The following GPC5 variants were observed in gnomAD, a reference collection of about 807,000 sequenced individuals.
GPC5 encodes glypican-5.
In GPC5, 47 loss-of-function variants were observed where a neutral mutation model predicts 53.9. The observed-to-expected ratio is 0.87, with a 90% confidence interval of 0.69 to 1.11. GPC5 has a LOEUF of 1.11. Among genes scored for constraint, GPC5 ranks in the 50% most tolerant of loss-of-function variants. The pLI is 0.00. For missense variants in GPC5, 748 were observed against 713.1 expected, an observed-to-expected ratio of 1.05 and a Z score of -0.56; for synonymous variants, 286 against 263.3, an observed-to-expected ratio of 1.09 and a Z score of -0.84.
At chr13:92,366,147 G>A (rs1207503351) in intron 7 of GPC5, among the ~76,000 whole-genome samples, 1 of 151,642 alleles carries the variant, frequency 6.6e-6, no homozygotes, top group Non-Finnish European at 1.5e-5. Flanking sequence ...GGAATTTTTA[G>A]CTGTATTATG....
intron 2 of GPC5, among the ~76,000 whole-genome samples, chr13:91,459,655 G>A (rs1881803222): frequency 6.6e-6 from 1 of 152,070 alleles, no homozygotes; most frequent in African/African-American, 2.4e-5. Context: ...TTTCTCCAGA[G>A]TTCTCAAAGA....
intron 6 of GPC5, among the ~76,000 whole-genome samples, chr13:91,966,118 G>A (rs2139083567): frequency 6.6e-6 from 1 of 152,254 alleles, no homozygotes; most frequent in Non-Finnish European, 1.5e-5. Context: ...ACACGTGAAA[G>A]CCAGTGGTGT....
At chr13:92,201,112 G>A (rs1316255311) in intron 7 of GPC5, among the ~76,000 whole-genome samples, 2 of 152,042 alleles carry the variant, frequency 1.3e-5, no homozygotes, top group Non-Finnish European at 2.9e-5. Flanking sequence ...TTTAGTGAAT[G>A]CCAATGGTAA....
chr13:91,680,407 A>C (rs534630244), intron 2 of GPC5, among the ~76,000 whole-genome samples: 4 of 152,300 alleles, frequency 2.6e-5, no homozygotes, highest in African/African-American at 9.6e-5. Flanking sequence ...AAAGATCGCA[A>C]CACTGCACTC....
chr13:92,552,022 T>C (rs1942311178), intron 7 of GPC5, among the ~76,000 whole-genome samples: 2 of 151,926 alleles, frequency 1.3e-5, no homozygotes, highest in African/African-American at 4.8e-5. Flanking sequence ...GTGCTAATAA[T>C]GTAAAATGAG....
chr13:92,781,366 A>C (rs1336387569), intron 7 of GPC5, among the ~76,000 whole-genome samples: 1 of 152,100 alleles, frequency 6.6e-6, no homozygotes, highest in East Asian at 1.9e-4. Context: ...AATAAATGAT[A>C]GTTTTCTGGA....
At chr13:92,320,246 T>C (rs776939766) in intron 7 of GPC5, among the ~76,000 whole-genome samples, 1 of 152,164 alleles carries the variant, frequency 6.6e-6, no homozygotes, top group Non-Finnish European at 1.5e-5. Context: ...CATTTTTGCA[T>C]TGAACAATCT....
intron 7 of GPC5, chr13:92,709,713 G>A (rs1020394668): frequency 6.6e-6 from 1 of 152,216 alleles, no homozygotes; most frequent in Non-Finnish European, 1.5e-5. Flanking sequence ...AGATAATGGG[G>A]TGGAAATGTA....
intron 6 of GPC5, among the ~76,000 whole-genome samples, chr13:92,091,044 C>T (rs1375343818): frequency 6.6e-6 from 1 of 152,108 alleles, no homozygotes; most frequent in Non-Finnish European, 1.5e-5. Flanking sequence ...TCTGCTGGCA[C>T]CTTGTTTTGG....
At chr13:91,773,299 C>G (rs959430062) in intron 5 of GPC5, among the ~76,000 whole-genome samples, 1 of 152,098 alleles carries the variant, frequency 6.6e-6, no homozygotes, top group African/African-American at 2.4e-5. Context: ...AAAATCACTG[C>G]TCTTTCATAC....
chr13:92,202,963 T>C (rs2042305653), intron 7 of GPC5, among the ~76,000 whole-genome samples: 1 of 152,116 alleles, frequency 6.6e-6, no homozygotes, highest in Non-Finnish European at 1.5e-5. Flanking sequence ...TATGAAATAT[T>C]AGAACTAGAA....
At chr13:91,648,482 A>G (rs1334135044) in intron 2 of GPC5, among the ~76,000 whole-genome samples, 2 of 152,138 alleles carry the variant, frequency 1.3e-5, no homozygotes, top group Non-Finnish European at 2.9e-5. Context: ...ATATATATAA[A>G]TTGATTCTTC....
At chr13:91,460,203 A>T (rs1359353891) in intron 2 of GPC5, among the ~76,000 whole-genome samples, 1 of 152,146 alleles carries the variant, frequency 6.6e-6, no homozygotes, top group African/African-American at 2.4e-5. Context: ...TAATTCTCAT[A>T]ATAGGAACAC....
At chr13:92,437,210 A>G (rs535179051) in intron 7 of GPC5, among the ~76,000 whole-genome samples, 1 of 152,310 alleles carries the variant, frequency 6.6e-6, no homozygotes, top group Admixed American at 6.5e-5. Flanking sequence ...TGTGGGAGAC[A>G]AAAACATCAA....
chr13:92,175,181 G>A (rs573148978), intron 7 of GPC5, among the ~76,000 whole-genome samples: 17 of 152,172 alleles, frequency 1.1e-4, no homozygotes, highest in African/African-American at 4.1e-4. Context: ...TAGAATTTCT[G>A]GAAACATTAT....
intron 6 of GPC5, among the ~76,000 whole-genome samples, chr13:92,127,315 A>G (rs1053288670): frequency 6.6e-6 from 1 of 151,726 alleles, no homozygotes; most frequent in African/African-American, 2.4e-5. Context: ...ATATGTGTAT[A>G]TATATGTGTA....
chr13:92,022,068 C>T (rs756228461), intron 6 of GPC5, among the ~76,000 whole-genome samples: 41 of 151,866 alleles, frequency 2.7e-4, no homozygotes, highest in African/African-American at 3.9e-4. Flanking sequence ...GGTATGATCT[C>T]GGTTCACTGC....
chr13:92,121,547 T>C (rs747263762), intron 6 of GPC5, among the ~76,000 whole-genome samples: 1 of 152,242 alleles, frequency 6.6e-6, no homozygotes, highest in Non-Finnish European at 1.5e-5. Flanking sequence ...TGTGGAAGAC[T>C]GACCCCCATA....
intron 2 of GPC5, among the ~76,000 whole-genome samples, chr13:91,560,247 A>G (rs1362695840): frequency 6.6e-6 from 1 of 152,152 alleles, no homozygotes; most frequent in Non-Finnish European, 1.5e-5. Context: ...ATCTCCTACA[A>G]GGTTCTGTGA....
Sources: allele counts gnomAD v4.1 joint callset (sites outside exome capture counted in the v4.1 genomes callset), GRCh38; gene constraint gnomAD v4.1.1; transcripts MANE v1.5; gene names NCBI Gene and HGNC (gene_info 2026-07-23, HGNC 2026-07-21).